LIFR: variants seen among roughly 807,000 people sequenced by gnomAD.
The protein encoded by LIFR is LIF receptor subunit alpha, also known as leukemia inhibitory factor receptor.
Under a neutral mutation model 122.2 loss-of-function variants are expected in LIFR, and 84 were observed. The ratio of observed to expected loss-of-function variants is 0.69; its 90% CI spans 0.58 to 0.82. LIFR has a LOEUF of 0.82. Among genes scored for constraint, LIFR ranks in the 40% least tolerant of loss-of-function variants. The pLI is 0.00. For synonymous variants in LIFR, 422 were observed against 434.7 expected (o/e 0.97, Z 0.36); for missense variants, 1,294 against 1,311.6 (o/e 0.99, Z 0.21).
At chr5:38,596,260 C>G (rs1264039776), upstream of LIFR, among the ~76,000 whole-genome samples, 1 of 152,222 alleles carries the variant, frequency 6.6e-6, no homozygotes, top group Non-Finnish European at 1.5e-5. Context: ...GCAATGCAAA[C>G]TTTCCTGGGT....
intron 1 of LIFR, among the ~76,000 whole-genome samples, chr5:38,531,339 T>C (rs1746996452): frequency 6.6e-6 from 1 of 152,180 alleles, no homozygotes; most frequent in African/African-American, 2.4e-5. Context: ...TTGCCTCATT[T>C]ATTACAACAT....
intron 18 of LIFR, among the ~76,000 whole-genome samples, 184 bp downstream of exon 18, chr5:38,484,589 ATT>A (rs530869764): frequency 9.1e-4 from 139 of 152,370 alleles, no homozygotes; most frequent in African/African-American, 3.1e-3. Context: ...CATTGACTCT[ATT>A]AAGACCTTTA....
intron 1 of LIFR, among the ~76,000 whole-genome samples, chr5:38,554,238 CT>C (rs1190848466): frequency 2.6e-5 from 4 of 152,182 alleles, no homozygotes. Flanking sequence ...ACTTTAGTTA[CT>C]GACCATCATG....
At chr5:38,508,827 G>A (rs565435726) in intron 7 of LIFR, among the ~76,000 whole-genome samples, 41 of 151,914 alleles carry the variant, frequency 2.7e-4, no homozygotes, top group Non-Finnish European at 3.1e-4. Flanking sequence ...CTCGTGATCC[G>A]CCCGCCTCAG....
At chr5:38,593,747 G>A (rs1750007789) in intron 1 of LIFR, among the ~76,000 whole-genome samples, 1 of 152,144 alleles carries the variant, frequency 6.6e-6, no homozygotes, top group Non-Finnish European at 1.5e-5. Context: ...CCTCATGAGT[G>A]AGATTAGTGC....
At chr5:38,552,474 A>G (rs1402110072) in intron 1 of LIFR, among the ~76,000 whole-genome samples, 1 of 152,244 alleles carries the variant, frequency 6.6e-6, no homozygotes, top group Non-Finnish European at 1.5e-5. Context: ...TTATCTACTC[A>G]TTAGTCTGTC....
chr5:38,482,556 A>C, intron 19 of LIFR, 33 bp downstream of exon 19: 1 of 1,123,634 alleles, frequency 8.9e-7, no homozygotes, highest in Non-Finnish European at 1.3e-6. Context: ...AAGCCAGCAC[A>C]TCAAAGATAA....
chr5:38,571,479 C>T (rs13172110), intron 1 of LIFR, among the ~76,000 whole-genome samples: 44,862 of 144,138 alleles, frequency 0.31, 7,205 homozygotes, highest in East Asian at 0.4. Context: ...CACCTGAATC[C>T]GGGAAGCAGA....
chr5:38,513,329 C>T (rs1345209466), intron 5 of LIFR, among the ~76,000 whole-genome samples: 1 of 152,188 alleles, frequency 6.6e-6, no homozygotes, highest in Non-Finnish European at 1.5e-5. Context: ...CCAAAGGGCT[C>T]AGTGAGTGGC....
chr5:38,565,780 T>G (rs1749003745), intron 1 of LIFR, among the ~76,000 whole-genome samples: 1 of 152,002 alleles, frequency 6.6e-6, no homozygotes, highest in Non-Finnish European at 1.5e-5. Flanking sequence ...AGAGACAGGG[T>G]TTCTCCATGT....
chr5:38,545,269 C>CAA (rs879922099), intron 1 of LIFR, among the ~76,000 whole-genome samples: 3 of 114,980 alleles, frequency 2.6e-5, no homozygotes, highest in Non-Finnish European at 1.9e-5. Flanking sequence ...GACTCCGTCT[C>CAA]AAAAAAAAAA....
intron 1 of LIFR, among the ~76,000 whole-genome samples, chr5:38,552,326 A>C (rs1748248550): frequency 6.6e-6 from 1 of 152,210 alleles, no homozygotes; most frequent in African/African-American, 2.4e-5. Context: ...CTTGGCATAA[A>C]ACTCATTTCC....
intron 5 of LIFR, among the ~76,000 whole-genome samples, chr5:38,517,864 A>AAAAAAAAAAAAAAAC (rs1746177802): frequency 7.5e-6 from 1 of 133,204 alleles, no homozygotes; most frequent in East Asian, 2.0e-4. Flanking sequence ...CTCAAAAAAA[A>AAAAAAAAAAAAAAAC]AAAAAAAAAA....
At chr5:38,549,797 CAAAA>C (rs547543366) in intron 1 of LIFR, among the ~76,000 whole-genome samples, 1 of 150,730 alleles carries the variant, frequency 6.6e-6, no homozygotes, top group South Asian at 2.1e-4. Context: ...TTTCCACACA[CAAAA>C]AAAAACTTAC....
At chr5:38,592,615 C>A (rs544299501) in intron 1 of LIFR, among the ~76,000 whole-genome samples, 8 of 150,748 alleles carry the variant, frequency 5.3e-5, no homozygotes, top group Admixed American at 5.3e-4. Context: ...TGAGATTGCG[C>A]CACTGCGCTC....
chr5:38,546,052 T>G (rs560913967), intron 1 of LIFR, among the ~76,000 whole-genome samples: 73 of 152,138 alleles, frequency 4.8e-4, no homozygotes, highest in Non-Finnish European at 9.1e-4. Flanking sequence ...TAAACCAATT[T>G]TAAGGGAAGA....
chr5:38,494,622 A>T (rs1744782338), intron 13 of LIFR, among the ~76,000 whole-genome samples: 1 of 152,122 alleles, frequency 6.6e-6, no homozygotes, highest in Non-Finnish European at 1.5e-5. Flanking sequence ...CAAAAGGGAG[A>T]AGAAAATTTC....
At chr5:38,579,544 C>T (rs998301116) in intron 1 of LIFR, 27 of 151,982 alleles carry the variant, frequency 1.8e-4, no homozygotes, top group Admixed American at 1.2e-3. Context: ...ACCAGCACAC[C>T]GAAGGCTCTC....
At chr5:38,518,115 A>C (rs1459045415) in intron 5 of LIFR, among the ~76,000 whole-genome samples, 3 of 151,884 alleles carry the variant, frequency 2.0e-5, no homozygotes, top group African/African-American at 7.2e-5. Flanking sequence ...CCCTATCTCT[A>C]AAAACAAATG....
Sources: allele counts gnomAD v4.1 joint callset (sites outside exome capture counted in the v4.1 genomes callset), GRCh38; gene constraint gnomAD v4.1.1; transcripts MANE v1.5; gene names NCBI Gene and HGNC (gene_info 2026-07-23, HGNC 2026-07-21).